The following ARPP21 variants were observed in gnomAD, a reference collection of about 807,000 sequenced individuals.
ARPP21 encodes the protein cAMP-regulated phosphoprotein 21.
Under a neutral mutation model 113.2 loss-of-function variants are expected in ARPP21, and 69 were observed. That is an observed-to-expected ratio of 0.61 (90% CI 0.50 to 0.74). The LOEUF (loss-of-function observed/expected upper bound fraction) is 0.74, where lower values mean the gene tolerates loss of function less well. ARPP21 is among the 30% of genes least tolerant of loss of function. ARPP21 has a pLI of 0.00. For synonymous variants in ARPP21, 368 were observed against 375.5 expected (o/e 0.98, Z 0.23); for missense variants, 1,070 against 1,037.4 (o/e 1.03, Z -0.43).
In ARPP21 at chr3:35,677,625, T is replaced by C. The variant is rs929895676; in HGVS notation, c.-212-2162T>C. ...AAATAGTATTTCCACTAAAAAAAGA[T>C]AGTAACTTTTATTTTGTGCATTTAT... is the stretch of plus-strand genomic sequence containing the variant. On this transcript the variant is annotated intron_variant, in intron 1 of 20. Coordinates refer to ENST00000684406, the MANE Select transcript of ARPP21 (RefSeq NM_001385562.1). Among the ~76,000 whole-genome samples, 4 of 152,040 alleles carry C rather than the reference T, an allele frequency of 2.6e-5. No individual in the cohort carries two copies. The South Asian group carries it at 8.3e-4, about 31-fold the overall frequency.
At chr3:35,665,812 C>A (rs1291527921) in intron 1 of ARPP21, among the ~76,000 whole-genome samples, 1 of 152,170 alleles carries the variant, frequency 6.6e-6, no homozygotes, top group Admixed American at 6.5e-5. Flanking sequence ...GTACTCCAGT[C>A]ATCGTTGTAA....
chr3:35,670,744 G>A (rs979655528), intron 1 of ARPP21, among the ~76,000 whole-genome samples: 1 of 152,014 alleles, frequency 6.6e-6, no homozygotes, highest in East Asian at 1.9e-4. Context: ...AGAAAAACAC[G>A]CAGATTCTGC....
intron 9 of ARPP21, among the ~76,000 whole-genome samples, chr3:35,695,019 C>G (rs1354719806): frequency 6.7e-6 from 1 of 149,772 alleles, no homozygotes; most frequent in African/African-American, 2.4e-5. Context: ...GTAAGCTTTA[C>G]TCCATTTCAC....
chr3:35,670,593 C>CAGGG (rs1417145630), intron 1 of ARPP21, among the ~76,000 whole-genome samples: 2 of 152,082 alleles, frequency 1.3e-5, no homozygotes, highest in Non-Finnish European at 2.9e-5. Flanking sequence ...ATTTTCAAAG[C>CAGGG]AGGGCATCTG....
intron 19 of ARPP21, among the ~76,000 whole-genome samples, chr3:35,756,225 C>A (rs2095563617): frequency 6.6e-6 from 1 of 152,020 alleles, no homozygotes; most frequent in African/African-American, 2.4e-5. Context: ...ATCACTGTAA[C>A]CTAGGAAGGC....
intron 15 of ARPP21, among the ~76,000 whole-genome samples, chr3:35,735,482 T>C (rs1346894776): frequency 6.6e-6 from 1 of 152,192 alleles, no homozygotes; most frequent in East Asian, 1.9e-4. Context: ...TTTATATTGT[T>C]GAAGAATAAG....
intron 1 of ARPP21, among the ~76,000 whole-genome samples, chr3:35,667,996 GA>G (rs2075186792): frequency 6.7e-6 from 1 of 149,348 alleles, no homozygotes; most frequent in South Asian, 2.1e-4. Flanking sequence ...AGAAGAAGAA[GA>G]AGAAGAAGAA....
chr3:35,736,886 T>A (rs963183601), intron 15 of ARPP21, among the ~76,000 whole-genome samples: 2 of 152,160 alleles, frequency 1.3e-5, no homozygotes, highest in Admixed American at 6.5e-5. Context: ...TCTCCACAGG[T>A]CTCTCTACTG....
Position 35,738,204 on chromosome 3 carries a change from T to G in ARPP21, c.1645-10T>G. On this transcript the variant is annotated splice_polypyrimidine_tract_variant and intron_variant, in intron 16 of 20. Coordinates refer to ENST00000684406, the MANE Select transcript of ARPP21 (RefSeq NM_001385562.1). ...TTTCTGTCAGCTGATCAATTTTTTC[T>G]TTCCTCCAGTCTGTCCAGGGGCTGC... is the stretch of plus-strand genomic sequence containing the variant. The G allele has an allele frequency of 6.6e-7, 1 of 1,517,038 alleles. No homozygotes were observed. The highest frequency in any genetic ancestry group is 8.9e-7 in the Non-Finnish European group (1 of 1,129,216). The allele number at this position is 1,517,038 out of a possible 1,614,324, so 94.0% of individuals were successfully genotyped here.
chr3:35,742,410 A>T (rs550647509), intron 18 of ARPP21, among the ~76,000 whole-genome samples: 115 of 152,282 alleles, frequency 7.6e-4, no homozygotes, highest in Non-Finnish European at 6.6e-4. Flanking sequence ...TTTGTTTTTT[A>T]TTGTTATAAA....
chr3:35,703,407 T>C (rs2087308726), intron 9 of ARPP21, among the ~76,000 whole-genome samples: 1 of 151,934 alleles, frequency 6.6e-6, no homozygotes, highest in Non-Finnish European at 1.5e-5. Context: ...TTCTGACTTT[T>C]CAGAGGTTTG....
intron 5 of ARPP21, among the ~76,000 whole-genome samples, chr3:35,687,061 A>G (rs2080836608): frequency 6.6e-6 from 1 of 151,176 alleles, no homozygotes; most frequent in African/African-American, 2.4e-5. Flanking sequence ...TATTTATGAA[A>G]AATATAATTC....
chr3:35,680,272 C>A (rs1300559974), intron 2 of ARPP21, among the ~76,000 whole-genome samples: 1 of 151,890 alleles, frequency 6.6e-6, no homozygotes, highest in Non-Finnish European at 1.5e-5. Context: ...ACCACGCATA[C>A]TGAGTGCCAC....
intron 19 of ARPP21, among the ~76,000 whole-genome samples, chr3:35,790,495 C>T (rs754635489): frequency 5.3e-5 from 8 of 152,142 alleles, no homozygotes; most frequent in Non-Finnish European, 1.0e-4. Flanking sequence ...GAAAAACAAT[C>T]GGAAACAATT....
At chr3:35,751,972 C>T (rs1213140016) in intron 19 of ARPP21, among the ~76,000 whole-genome samples, 1 of 152,078 alleles carries the variant, frequency 6.6e-6, no homozygotes, top group Non-Finnish European at 1.5e-5. Flanking sequence ...TACCTATCCC[C>T]ACTCATAAGA....
Position 35,738,223 on chromosome 3 carries a change from G to A in ARPP21, c.1654G>A (p.Gly552Arg), listed in dbSNP as rs1166738152. The A allele has an allele frequency of 1.3e-5, 20 of 1,534,740 alleles. No homozygotes were observed. In the African/African-American group the frequency reaches 1.8e-4, roughly 14 times the overall value. The part of the protein sequence containing the change: ...AGPLVTQSVQ[G>R]LQASSQSVQY... ...TTTTTCTTTCCTCCAGTCTGTCCAG[G>A]GGCTGCAGGCTTCCTCCCAGTCAGT... The change falls in exon 17 of 21, where the codon GGG (glycine) becomes AGG (arginine). Residue 552 changes from glycine (G) to arginine (R), a missense_variant. Gly to Arg is a moderately radical substitution (Grantham distance 125). Coordinates refer to ENST00000684406, the MANE Select transcript of ARPP21 (RefSeq NM_001385562.1).
intron 1 of ARPP21, among the ~76,000 whole-genome samples, chr3:35,655,915 G>A (rs1704639874): frequency 1.3e-5 from 2 of 152,068 alleles, no homozygotes; most frequent in South Asian, 2.1e-4. Context: ...AGTTCTTAGT[G>A]ATGTTGATGT....
At chr3:35,654,010 T>C (rs1703656739) in intron 1 of ARPP21, among the ~76,000 whole-genome samples, 1 of 151,926 alleles carries the variant, frequency 6.6e-6, no homozygotes, top group African/African-American at 2.4e-5. Context: ...AAGGAAAAAA[T>C]ACTACGGCAT....
chr3:35,648,660 G>A (rs750866435), intron 1 of ARPP21, among the ~76,000 whole-genome samples: 28 of 152,262 alleles, frequency 1.8e-4, no homozygotes, highest in Non-Finnish European at 4.0e-4. Context: ...CCAGAGGAGG[G>A]AAAGACTTCT....
Sources: allele counts gnomAD v4.1 joint callset (sites outside exome capture counted in the v4.1 genomes callset), GRCh38; gene constraint gnomAD v4.1.1; transcripts MANE v1.5; gene names NCBI Gene and HGNC (gene_info 2026-07-23, HGNC 2026-07-21).